Variants in DOCK1 observed in about 807,000 individuals in gnomAD.
DOCK1 encodes the protein dedicator of cytokinesis protein 1.
Under a neutral mutation model 262.7 loss-of-function variants are expected in DOCK1, and 138 were observed. That is an observed-to-expected ratio of 0.53 (90% CI 0.46 to 0.61). The LOEUF is 0.61. Among genes scored for constraint, DOCK1 ranks in the 20% least tolerant of loss-of-function variants. The pLI is 0.00. For missense variants in DOCK1, 1,908 were observed against 2,370.7 expected, an observed-to-expected ratio of 0.80 and a Z score of 4.05; for synonymous variants, 866 against 867.4, an observed-to-expected ratio of 1.00 and a Z score of 0.03.
At chr10:127,284,075 AAC>A (rs1422725849) in intron 29 of DOCK1, among the ~76,000 whole-genome samples, 1 of 152,222 alleles carries the variant, frequency 6.6e-6, no homozygotes. Context: ...TGCAAGATAA[AAC>A]AGTTCCCAGC....
chr10:126,948,711 G>T (rs937788237), intron 1 of DOCK1, among the ~76,000 whole-genome samples: 1 of 152,094 alleles, frequency 6.6e-6, no homozygotes, highest in African/African-American at 2.4e-5. Context: ...CCTGTGATGC[G>T]GGCGCCCAGC....
chr10:126,996,103 G>A (rs1428897914), intron 6 of DOCK1, among the ~76,000 whole-genome samples: 1 of 152,028 alleles, frequency 6.6e-6, no homozygotes, highest in Non-Finnish European at 1.5e-5. Context: ...GCCTTAGGTG[G>A]GGTGCAGTGG....
intron 1 of DOCK1, among the ~76,000 whole-genome samples, chr10:126,951,109 GTTGTTGGTAGTA>G (rs2036181663): frequency 6.6e-6 from 1 of 151,752 alleles, no homozygotes; most frequent in Non-Finnish European, 1.5e-5. Flanking sequence ...TGGTGGTAGT[GTTGTTGGTAGTA>G]TTGTTGGTAG....
intron 47 of DOCK1, among the ~76,000 whole-genome samples, chr10:127,428,949 G>C (rs75188608): frequency 2.7e-5 from 3 of 110,208 alleles, no homozygotes; most frequent in South Asian, 3.3e-4. Context: ...CGTGTGGATT[G>C]GGGTGCTGTG....
At chr10:127,343,546 A>G (rs573064607) in intron 30 of DOCK1, 100 bp from the exon 31 acceptor site, 30 of 976,790 alleles carry the variant, frequency 3.1e-5, no homozygotes, top group Non-Finnish European at 4.2e-5. Context: ...TTAACTTTTC[A>G]GAAGTGTGTG....
chr10:126,914,685 G>T (rs1237482726), intron 1 of DOCK1, among the ~76,000 whole-genome samples: 3 of 152,186 alleles, frequency 2.0e-5, no homozygotes. Context: ...AACTTAATTG[G>T]TTACACTAGG....
intron 1 of DOCK1, among the ~76,000 whole-genome samples, chr10:126,948,056 G>GGTA (rs2035702531): frequency 1.4e-4 from 16 of 113,346 alleles, no homozygotes; most frequent in Admixed American, 2.5e-4. Context: ...TGATGGTGGT[G>GGTA]GTTGGTAGTA....
chr10:127,284,808 T>G (rs1411424646), intron 29 of DOCK1, among the ~76,000 whole-genome samples: 1 of 152,154 alleles, frequency 6.6e-6, no homozygotes, highest in Admixed American at 6.5e-5. Flanking sequence ...CCACATTGTT[T>G]TAATTACCAT....
chr10:127,408,232 T>A (rs577971398), intron 40 of DOCK1, among the ~76,000 whole-genome samples: 22 of 152,274 alleles, frequency 1.4e-4, no homozygotes, highest in African/African-American at 5.3e-4. Context: ...TAGCCGTCTA[T>A]AACAACCCCA....
At chr10:126,977,198 C>T (rs534819520) in intron 2 of DOCK1, among the ~76,000 whole-genome samples, 1 of 152,332 alleles carries the variant, frequency 6.6e-6, no homozygotes, top group African/African-American at 2.4e-5. Context: ...TTCCTGTCCT[C>T]AGCCTGAGAG....
intron 29 of DOCK1, among the ~76,000 whole-genome samples, chr10:127,301,945 C>CA (rs532284873): frequency 0.028 from 2,471 of 89,256 alleles, 70 homozygotes; most frequent in African/African-American, 0.084. Context: ...GACTCCATCT[C>CA]AAAAAAAAAA....
chr10:127,413,664 C>T (rs187300768), intron 43 of DOCK1, among the ~76,000 whole-genome samples: 6 of 152,272 alleles, frequency 3.9e-5, no homozygotes, highest in Non-Finnish European at 7.4e-5. Flanking sequence ...CCCAGAGGTC[C>T]GTCTCAGGGC....
chr10:126,957,291 A>G (rs1028144866), intron 1 of DOCK1, among the ~76,000 whole-genome samples: 2 of 152,124 alleles, frequency 1.3e-5, no homozygotes, highest in Non-Finnish European at 2.9e-5. Context: ...TGGTTGCAGT[A>G]TGGACAGAGG....
chr10:127,444,533 T>C (rs992834522), intron 50 of DOCK1, among the ~76,000 whole-genome samples: 6 of 152,054 alleles, frequency 3.9e-5, no homozygotes, highest in Non-Finnish European at 8.8e-5. Flanking sequence ...CCAGGGTCCA[T>C]GTGGAGGGGA....
chr10:127,204,103 C>T (rs114245658), intron 27 of DOCK1, among the ~76,000 whole-genome samples: 17 of 151,988 alleles, frequency 1.1e-4, no homozygotes, highest in African/African-American at 2.7e-4. Context: ...CTTGCCTGGA[C>T]GGAGGCTTCT....
intron 16 of DOCK1, among the ~76,000 whole-genome samples, chr10:127,028,673 C>T (rs2043042246): frequency 6.6e-6 from 1 of 152,208 alleles, no homozygotes; most frequent in African/African-American, 2.4e-5. Context: ...GGGGTTTCTC[C>T]TCTTGCAGAG....
chr10:127,409,198 C>T lies in DOCK1; in HGVS notation c.4264+20C>T, dbSNP rs1373707784. On this transcript the variant is annotated intron_variant, in intron 41 of 51. Coordinates refer to ENST00000623213, the MANE Select transcript of DOCK1 (RefSeq NM_001290223.2). ...GCCAGTGTATCCTTTAAGACAACCTCATCAACTCTGAAACCATGGTGATGC... is the reference window on the plus strand; with the variant it reads ...GCCAGTGTATCCTTTAAGACAACCTTATCAACTCTGAAACCATGGTGATGC... The T allele has an allele frequency of 1.2e-6, 2 of 1,613,282 alleles. No individual in the cohort carries two copies. The highest frequency in any genetic ancestry group is 1.7e-6 in the Non-Finnish European group (2 of 1,179,360).
intron 6 of DOCK1, among the ~76,000 whole-genome samples, chr10:126,993,067 C>T (rs73384427): frequency 0.013 from 1,980 of 152,340 alleles, 39 homozygotes; most frequent in African/African-American, 0.046. Flanking sequence ...AGTTCTGATA[C>T]AGAACCCAGG....
In DOCK1 at chr10:126,963,622, T is replaced by C. The variant is rs1390397743; in HGVS notation, c.47-7080T>C. Among the ~76,000 whole-genome samples the C allele has an allele frequency of 3.7e-3, 215 of 58,054 alleles. 6 individuals carry two copies. In the South Asian group the frequency reaches 0.052, roughly 14 times the overall value. 38.1% of individuals were successfully genotyped at this position (58,054 alleles called of 152,430 possible). A position where few individuals can be genotyped will look rare whatever the true frequency, so the allele number is the denominator to read the frequency against. Reference sequence around the variant, plus strand: ...TCCCTTCCCTTCCCTTCCCTTCCCTTCCCTTCCCTTCCCTTCCCTCCTTCC... The same window carrying C: ...TCCCTTCCCTTCCCTTCCCTTCCCTCCCCTTCCCTTCCCTTCCCTCCTTCC... On this transcript the variant is annotated intron_variant, in intron 1 of 51. Coordinates refer to ENST00000623213, the MANE Select transcript of DOCK1 (RefSeq NM_001290223.2).
Sources: gnomAD v4.1 joint callset for allele counts (sites outside exome capture counted in the v4.1 genomes callset) on GRCh38, gnomAD v4.1.1 for gene constraint, MANE v1.5 for transcripts, NCBI Gene and HGNC (gene_info 2026-07-23, HGNC 2026-07-21) for gene names.